Variants in MMAB observed in about 807,000 individuals in gnomAD.
MMAB encodes corrinoid adenosyltransferase MMAB.
MMAB carries 17 observed loss-of-function variants against 30.6 expected under a neutral mutation model. The ratio of observed to expected loss-of-function variants is 0.56; its 90% confidence interval spans 0.38 to 0.83. The LOEUF (loss-of-function observed/expected upper bound fraction) is 0.83. Ranked by LOEUF, MMAB falls within the 40% of genes least tolerant of loss-of-function variation. MMAB has a pLI of 0.00. For missense variants in MMAB, 311 were observed against 331.6 expected (o/e 0.94, Z 0.48); for synonymous variants, 134 against 138.6 (o/e 0.97, Z 0.23).
intron 3 of MMAB, chr12:109,567,273 C>A: frequency 5.8e-6 from 2 of 346,580 alleles, no homozygotes; most frequent in South Asian, 4.5e-5. Flanking sequence ...TTAAGCCCCA[C>A]AAGAACAGTG....
In MMAB at chr12:109,561,689, G is replaced by C. The variant is rs778943679; in HGVS notation, c.421+91C>G. 24 of 1,342,502 alleles carry C rather than the reference G, an allele frequency of 1.8e-5. No homozygotes were observed. The highest frequency in any genetic ancestry group is 2.4e-5 in the Non-Finnish European group (23 of 958,794). 83.2% of individuals were successfully genotyped at this position (1,342,502 alleles called of 1,614,324 possible). ...GCAAGGCTAACTGACCCACCCGTGG[G>C]TCCCTGGGGGCCTGGGATCCCAGAT... On this transcript the variant is annotated intron_variant, in intron 5 of 8. Coordinates refer to ENST00000545712, the MANE Select transcript of MMAB (RefSeq NM_052845.4). The surrounding 1 kb of genome is among the most constrained non-coding windows in gnomAD (Gnocchi z 5.3).
chr12:109,571,542 G>A (rs889696585), intron 2 of MMAB, 107 bp downstream of exon 2: 22 of 1,041,552 alleles, frequency 2.1e-5, no homozygotes, highest in East Asian at 1.2e-4. Flanking sequence ...ATGAGCCACC[G>A]CGCCTGGTAT....
At chr12:109,572,369 C>T (rs186083538) in intron 1 of MMAB, among the ~76,000 whole-genome samples, 1 of 151,472 alleles carries the variant, frequency 6.6e-6, no homozygotes, top group East Asian at 1.9e-4. Flanking sequence ...CTCAGCCTCC[C>T]GAGCAGCTGG....
Position 109,568,915 on chromosome 12 carries a change from T to G in MMAB, c.197-52A>C, listed in dbSNP as rs752703985. 17 of 1,295,318 alleles carry G rather than the reference T, an allele frequency of 1.3e-5. No homozygotes were observed. The South Asian group carries it at 1.8e-4, about 14-fold the overall frequency. 80.2% of individuals were successfully genotyped at this position (1,295,318 alleles called of 1,614,324 possible). The stretch of plus-strand genomic sequence containing the variant: ...AAATTAAGATTCTGTTTTCCTGATA[T>G]GCTGTTTTTTTTTTTTTAAACTTTC... On this transcript the variant is annotated intron_variant, in intron 2 of 8. Coordinates refer to ENST00000545712, the MANE Select transcript of MMAB (RefSeq NM_052845.4).
intron 7 of MMAB, 84 bp from the exon 8 acceptor site, chr12:109,559,239 C>G: frequency 6.1e-6 from 6 of 979,044 alleles, no homozygotes; most frequent in Non-Finnish European, 9.9e-6. Context: ...AGCAGCATTT[C>G]ACATCCTGCC....
Position 109,555,339 on chromosome 12 carries a change from G to T in MMAB, c.*1689C>A. ...ACTCTATCAGCCAGGCTGGAGTGTC[G>T]TGTCACGATCTTGGCTCACTGCAGC... On this transcript the variant is annotated 3_prime_UTR_variant, in exon 9 of 9. Coordinates refer to ENST00000545712, the MANE Select transcript of MMAB (RefSeq NM_052845.4). 2.3e-6 allele frequency: 1 copy of T among 425,656 alleles called. No individual in the cohort carries two copies. Among genetic ancestry groups the T allele is most frequent in the Non-Finnish European group, 4.5e-6 (1 of 221,248 alleles). The allele number at this position is 425,656 out of a possible 1,614,324, so 26.4% of individuals were successfully genotyped here. A position where few individuals can be genotyped will look rare whatever the true frequency, so the allele number is the denominator to read the frequency against.
rs1183941961 is a variant in MMAB at position 109,561,189 on chromosome 12, C to T, written c.520-85G>A. 3 of 1,593,220 alleles carry T rather than the reference C, an allele frequency of 1.9e-6. No homozygotes were observed. The highest frequency in any genetic ancestry group is 2.2e-5 in the East Asian group (1 of 44,834). On this transcript the variant is annotated intron_variant, in intron 6 of 8. Coordinates refer to ENST00000545712, the MANE Select transcript of MMAB (RefSeq NM_052845.4). The surrounding 1 kb of genome is among the most constrained non-coding windows in gnomAD (Gnocchi z 5.3). ...GGAGCTCCTCTGAAGTCCAGCCCTGCCCCCCAAACCGGGCAGTGTTCTGCC... is the reference window on the plus strand; with the variant it reads ...GGAGCTCCTCTGAAGTCCAGCCCTGTCCCCCAAACCGGGCAGTGTTCTGCC...
At chr12:109,564,231 C>G (rs1219232720) in intron 4 of MMAB, among the ~76,000 whole-genome samples, 1 of 152,206 alleles carries the variant, frequency 6.6e-6, no homozygotes, top group Non-Finnish European at 1.5e-5. Flanking sequence ...CCAAAAATGT[C>G]TCCAGATATT....
rs1395390862 is a variant in MMAB at position 109,555,804 on chromosome 12, G to C, written c.*1224C>G. On this transcript the variant is annotated 3_prime_UTR_variant, in exon 9 of 9. Coordinates refer to ENST00000545712, the MANE Select transcript of MMAB (RefSeq NM_052845.4). Reference sequence around the variant, plus strand: ...TCCTGCAAACTTTGCAGGCCAGGTGGTAAGAATGAAGGCAAAAATATGCAC... The same window carrying C: ...TCCTGCAAACTTTGCAGGCCAGGTGCTAAGAATGAAGGCAAAAATATGCAC... The C allele has an allele frequency of 2.2e-6, 1 of 454,052 alleles. No individual in the cohort carries two copies. Among genetic ancestry groups the C allele is most frequent in the Admixed American group, 2.3e-5 (1 of 42,572 alleles). 28.1% of individuals were successfully genotyped at this position (454,052 alleles called of 1,614,324 possible). A position where few individuals can be genotyped will look rare whatever the true frequency, so the allele number is the denominator to read the frequency against.
rs1219774201 is a variant in MMAB at position 109,553,797 on chromosome 12, C to A, written c.*3231G>T. 2 of 450,690 alleles carry A rather than the reference C, an allele frequency of 4.4e-6. No homozygotes were observed. The highest frequency in any genetic ancestry group is 4.0e-5 in the African/African-American group (2 of 49,912). The allele number at this position is 450,690 out of a possible 1,614,324, so 27.9% of individuals were successfully genotyped here. A position where few individuals can be genotyped will look rare whatever the true frequency, so the allele number is the denominator to read the frequency against. ...AAATGCATCTGGATTCTTAAAGGTT[C>A]AGTAGTGATCACTGGGACAGGGCGA... is the stretch of plus-strand genomic sequence containing the variant. On this transcript the variant is annotated 3_prime_UTR_variant, in exon 9 of 9. Transcript: ENST00000545712.
In MMAB at chr12:109,573,452, A is replaced by C; in HGVS notation, c.29T>G (p.Leu10Arg). The change falls in exon 1 of 9, where the codon CTT (leucine) becomes CGT (arginine). Residue 10 changes from leucine (L) to arginine (R), a missense_variant. Physicochemically the swap from Leu to Arg is moderately radical, Grantham distance 102. Coordinates refer to ENST00000545712, the MANE Select transcript of MMAB (RefSeq NM_052845.4). MAVCGLGSR[L>R]GLGSRLGLRG... The stretch of plus-strand genomic sequence containing the variant: ...CAGGCCAAGACGGCTCCCCAGGCCA[A>C]GACGGCTCCCCAGGCCGCACACAGC... The C allele has an allele frequency of 6.2e-7, 1 of 1,607,722 alleles. No individual in the cohort carries two copies. Among genetic ancestry groups the C allele is most frequent in the Non-Finnish European group, 8.5e-7 (1 of 1,178,974 alleles).
At position 109,558,719 on chromosome 12, in the gene MMAB, TGAGA is replaced by T. The variant is rs1408855919; in HGVS notation, c.644+373_644+376del. 6.6e-6 allele frequency among the ~76,000 whole-genome samples: 1 copy of T among 151,874 alleles called. No homozygotes were observed. Reference sequence around the variant, plus strand: ...GCCCTCTCGGGGACAGGAAACTGGCTGAGAGAGGGCCTGAAGCCTGGCTCCCTGG... The same window carrying T: ...GCCCTCTCGGGGACAGGAAACTGGCTGAGGGCCTGAAGCCTGGCTCCCTGG... On this transcript the variant is annotated intron_variant, in intron 8 of 8. Transcript: ENST00000545712. This position sits in a 1 kb window ranked among gnomAD's most constrained non-coding sequence, Gnocchi z 4.3.
chr12:109,571,638 C>T lies in MMAB; in HGVS notation c.196+11G>A. 1 of 1,613,262 alleles carries T rather than the reference C, an allele frequency of 6.2e-7. No individual in the cohort carries two copies. The highest frequency in any genetic ancestry group is 1.7e-5 in the Admixed American group (1 of 60,018). On this transcript the variant is annotated intron_variant, in intron 2 of 8. Transcript: ENST00000545712. ...GTATTTCTTTGCATTTTTCACCTGT[C>T]CCCACCCTACCTTTGTCTCCCGTTT...
At position 109,556,172 on chromosome 12, in the gene MMAB, G is replaced by A. The variant is rs545657673; in HGVS notation, c.*856C>T. ...CTGAAATAAATACAGCCGTGGCACC[G>A]ATCTCAGAGGCATAAGCCAGCCAAG... On this transcript the variant is annotated 3_prime_UTR_variant, in exon 9 of 9. Transcript: ENST00000545712. 1.5e-5 allele frequency: 7 copies of A among 453,792 alleles called. No homozygotes were observed. The highest frequency in any genetic ancestry group is 9.3e-5 in the South Asian group (6 of 64,460). The allele number at this position is 453,792 out of a possible 1,614,324, so 28.1% of individuals were successfully genotyped here. A position where few individuals can be genotyped will look rare whatever the true frequency, so the allele number is the denominator to read the frequency against.
chr12:109,568,818 T>C lies in MMAB; in HGVS notation c.242A>G (p.Gln81Arg). Reference protein sequence around the residue: ...FTGERRPKDDQVFEAVGTTDE... With the variant: ...FTGERRPKDDRVFEAVGTTDE... ...TGTAGTTCCCACGGCTTCAAACACT[T>C]GGTCATCTTTGGGTCTCCTTTCTCC... Residue 81 changes from glutamine to arginine, a missense_variant, in exon 3 of 9, where the codon CAA (glutamine) becomes CGA (arginine). Gln to Arg is a conservative substitution (Grantham distance 43, BLOSUM62 1). Coordinates refer to ENST00000545712, the MANE Select transcript of MMAB (RefSeq NM_052845.4). 1.9e-6 allele frequency: 3 copies of C among 1,614,184 alleles called. No individual in the cohort carries two copies. Among genetic ancestry groups the C allele is most frequent in the Admixed American group, 1.7e-5 (1 of 60,030 alleles).
At position 109,561,877 on chromosome 12, in the gene MMAB, T is replaced by A. The variant is rs1884226602; in HGVS notation, c.349-25A>T. The A allele has an allele frequency of 6.3e-7, 1 of 1,585,818 alleles. No individual in the cohort carries two copies. Among genetic ancestry groups the A allele is most frequent in the African/African-American group, 1.3e-5 (1 of 74,208 alleles). ...TCTGGGGGGCGACAGAAAGTGACAG[T>A]CAAGATCTATGTGAGATGGGCTGGA... On this transcript the variant is annotated intron_variant, in intron 4 of 8. Coordinates refer to ENST00000545712, the MANE Select transcript of MMAB (RefSeq NM_052845.4). This position sits in a 1 kb window ranked among gnomAD's most constrained non-coding sequence, Gnocchi z 5.3.
rs566690925 is a variant in MMAB at position 109,566,941 on chromosome 12, G to A, written c.291-1765C>T. ...GGACCCCCTCCCACACACACCAAGGGGTTTGTTTGCCTTCTCTACCCGGCT... is the reference window on the plus strand; with the variant it reads ...GGACCCCCTCCCACACACACCAAGGAGTTTGTTTGCCTTCTCTACCCGGCT... On this transcript the variant is annotated intron_variant, in intron 3 of 8. Transcript: ENST00000545712. 181 of 455,608 alleles carry A rather than the reference G, an allele frequency of 4.0e-4. 1 individual carries two copies. Among genetic ancestry groups the A allele is most frequent in the South Asian group, 2.6e-3 (170 of 64,532 alleles). 28.2% of individuals were successfully genotyped at this position (455,608 alleles called of 1,614,324 possible). A position where few individuals can be genotyped will look rare whatever the true frequency, so the allele number is the denominator to read the frequency against.
Position 109,553,887 on chromosome 12 carries a change from G to A in MMAB, c.*3141C>T, listed in dbSNP as rs534332763. 53 of 454,118 alleles carry A rather than the reference G, an allele frequency of 1.2e-4. No individual in the cohort carries two copies. Among genetic ancestry groups the A allele is most frequent in the Non-Finnish European group, 2.1e-4 (48 of 226,804 alleles). The allele number at this position is 454,118 out of a possible 1,614,324, so 28.1% of individuals were successfully genotyped here. A position where few individuals can be genotyped will look rare whatever the true frequency, so the allele number is the denominator to read the frequency against. Reference sequence around the variant, plus strand: ...CAGCAAGGGTGACATTGCCACTGACGGGGGCTTCCGAACTGGGGACGTTTG... The same window carrying A: ...CAGCAAGGGTGACATTGCCACTGACAGGGGCTTCCGAACTGGGGACGTTTG... On this transcript the variant is annotated 3_prime_UTR_variant, in exon 9 of 9. Transcript: ENST00000545712.
At chr12:109,572,389 T>C (rs1193411908) in intron 1 of MMAB, among the ~76,000 whole-genome samples, 2 of 149,408 alleles carry the variant, frequency 1.3e-5, no homozygotes, top group South Asian at 4.3e-4. Context: ...GGAGCACGGG[T>C]GTATACCACC....
Sources: gnomAD v4.1 joint callset for allele counts (sites outside exome capture counted in the v4.1 genomes callset) on GRCh38, gnomAD v4.1.1 for gene constraint, Gnocchi (gnomAD v3.1) non-coding constraint, MANE v1.5 for transcripts, NCBI Gene and HGNC (gene_info 2026-07-23, HGNC 2026-07-21) for gene names.